Variants in TFAP2D observed in about 807,000 individuals in gnomAD.
TFAP2D encodes transcription factor AP-2 delta, also known as transcription factor AP-2-delta.
A neutral mutation model predicts 43.6 loss-of-function variants in TFAP2D; 9 were observed. That is an observed-to-expected ratio of 0.21 (90% CI 0.12 to 0.36). The LOEUF is 0.36. Ranked by LOEUF, TFAP2D falls within the 10% of genes least tolerant of loss-of-function variation. TFAP2D has a pLI of 1.00. For missense variants in TFAP2D, 513 were observed against 561.4 expected (o/e 0.91, Z 0.87); for synonymous variants, 256 against 224.9 (o/e 1.14, Z -1.24).
In TFAP2D at chr6:50,715,248, C is replaced by T. The variant is rs2114025867; in HGVS notation, c.172C>T (p.Pro58Ser). ...YSTTGTEFAS[P>S]YFSTNHQYTP... is the part of the protein sequence containing the mutation. ...CACCACCGGCACCGAGTTTGCGTCC[C>T]CCTACTTCTCCACTAACCACCAGTA... The change falls in exon 2 of 8, where the codon CCC (proline) becomes TCC (serine). Residue 58 changes from proline to serine, a missense_variant. Physicochemically the swap from Pro to Ser is moderately conservative, Grantham distance 74 (BLOSUM62 -1). This residue lies in a region of TFAP2D where 311 missense variants were observed against 316.2 expected (regional missense o/e 0.98). Coordinates refer to ENST00000008391, the MANE Select transcript of TFAP2D (RefSeq NM_172238.4). 1 of 1,614,018 alleles carries T rather than the reference C, an allele frequency of 6.2e-7. No homozygotes were observed. Among genetic ancestry groups the T allele is most frequent in the East Asian group, 2.2e-5 (1 of 44,840 alleles).
chr6:50,755,100 TG>T (rs1010346871), intron 7 of TFAP2D, among the ~76,000 whole-genome samples: 36 of 152,034 alleles, frequency 2.4e-4, no homozygotes, highest in African/African-American at 8.7e-4. Flanking sequence ...TGTCTTGTTT[TG>T]GTCTTTGATT....
intron 7 of TFAP2D, among the ~76,000 whole-genome samples, chr6:50,767,517 G>C (rs1255895751): frequency 6.6e-6 from 1 of 152,080 alleles, no homozygotes; most frequent in Admixed American, 6.6e-5. Flanking sequence ...CATTTGTTTG[G>C]GGATTGTTAC....
chr6:50,724,438 G>A (rs1218177790), intron 3 of TFAP2D, among the ~76,000 whole-genome samples: 1 of 152,196 alleles, frequency 6.6e-6, no homozygotes, highest in Non-Finnish European at 1.5e-5. Flanking sequence ...TGTCAACACC[G>A]ACGCTACGAC....
intron 7 of TFAP2D, among the ~76,000 whole-genome samples, chr6:50,754,301 A>T (rs940717367): frequency 6.6e-6 from 1 of 151,382 alleles, no homozygotes; most frequent in East Asian, 1.9e-4. Flanking sequence ...ATGTGTCAAA[A>T]TTTTCTTCCT....
At chr6:50,716,350 T>C (rs1768627834) in intron 2 of TFAP2D, among the ~76,000 whole-genome samples, 1 of 152,140 alleles carries the variant, frequency 6.6e-6, no homozygotes, top group Admixed American at 6.5e-5. Context: ...TTATTTTTGC[T>C]CTTCCAGCCA....
chr6:50,753,313 G>T (rs1399102182), intron 7 of TFAP2D, among the ~76,000 whole-genome samples: 1 of 151,894 alleles, frequency 6.6e-6, no homozygotes, highest in Non-Finnish European at 1.5e-5. Flanking sequence ...TCCTTTTTAT[G>T]CTCAAAACAA....
At chr6:50,714,177 G>A (rs1458011871) in intron 1 of TFAP2D, 83 bp downstream of exon 1, 1 of 1,404,760 alleles carries the variant, frequency 7.1e-7, no homozygotes, top group Non-Finnish European at 9.8e-7. Flanking sequence ...CGGCGGCGGT[G>A]GCAGCCTCCC....
At chr6:50,723,909 C>T (rs1480901619) in intron 3 of TFAP2D, among the ~76,000 whole-genome samples, 1 of 152,172 alleles carries the variant, frequency 6.6e-6, no homozygotes, top group African/African-American at 2.4e-5. Context: ...TTCACGCACA[C>T]CTCTCTTTTG....
At chr6:50,746,827 C>T (rs373147189) in intron 6 of TFAP2D, among the ~76,000 whole-genome samples, 27 of 152,236 alleles carry the variant, frequency 1.8e-4, no homozygotes, top group African/African-American at 5.1e-4. Context: ...GTGGCTGGCA[C>T]TGTTTGGACT....
chr6:50,767,150 G>A (rs567516403), intron 7 of TFAP2D, among the ~76,000 whole-genome samples: 5 of 152,240 alleles, frequency 3.3e-5, no homozygotes, highest in East Asian at 3.9e-4. Context: ...TTTCCTTTCT[G>A]ATTTGGATGC....
rs1768844310 is a variant in TFAP2D, at chr6:50,728,847, T to C, written c.599-9T>C. 1.2e-6 allele frequency: 2 copies of C among 1,613,200 alleles called. No individual in the cohort carries two copies. The highest frequency in any genetic ancestry group is 1.7e-6 in the Non-Finnish European group (2 of 1,179,618). On this transcript the variant is annotated splice_polypyrimidine_tract_variant and intron_variant, in intron 3 of 7. Transcript: ENST00000008391. ...TCACTAACATGTTATATACTTTTTT[T>C]CTCCCAAGGTGGCACCTGTGTGGTC... is the stretch of plus-strand genomic sequence containing the variant.
In TFAP2D at chr6:50,715,627, C is replaced by T; in HGVS notation, c.537+14C>T. On this transcript the variant is annotated intron_variant, in intron 2 of 7. Coordinates refer to ENST00000008391, the MANE Select transcript of TFAP2D (RefSeq NM_172238.4). ...GACGACTTGCAGGTAAATAAGCATG[C>T]AGCGAATTTGTCTGCTCCCTCCCCT... The T allele has an allele frequency of 6.3e-7, 1 of 1,579,850 alleles. No individual in the cohort carries two copies. Among genetic ancestry groups the T allele is most frequent in the Non-Finnish European group, 8.6e-7 (1 of 1,163,104 alleles).
At chr6:50,726,283 C>T (rs554425708) in intron 3 of TFAP2D, among the ~76,000 whole-genome samples, 2 of 152,280 alleles carry the variant, frequency 1.3e-5, no homozygotes, top group East Asian at 3.9e-4. Flanking sequence ...CTACATCTCC[C>T]TAAATTAGGT....
At chr6:50,740,100 G>A (rs986738552) in intron 5 of TFAP2D, among the ~76,000 whole-genome samples, 1 of 152,120 alleles carries the variant, frequency 6.6e-6, no homozygotes, top group African/African-American at 2.4e-5. Context: ...TCGCAAATTT[G>A]CTTTCTAATA....
chr6:50,750,125 C>A (rs991260982), intron 6 of TFAP2D, among the ~76,000 whole-genome samples: 4 of 151,912 alleles, frequency 2.6e-5, no homozygotes, highest in African/African-American at 9.7e-5. Flanking sequence ...ATTTGTACTT[C>A]AAGATATTTT....
chr6:50,745,171 A>T lies in TFAP2D; in HGVS notation c.948A>T (p.Ala316=), dbSNP rs538947072. The T allele has an allele frequency of 9.3e-6, 15 of 1,613,782 alleles. No individual in the cohort carries two copies. In the East Asian group the frequency reaches 2.2e-4, roughly 24 times the overall value. Reference sequence around the variant, plus strand: ...GTGAAACAGAGTTTCCAGCCAAAGCAGTAGGAGAACATCTTGCCAGACAAC... The same window carrying T: ...GTGAAACAGAGTTTCCAGCCAAAGCTGTAGGAGAACATCTTGCCAGACAAC... ...YTCETEFPAK[A]VGEHLARQHM... The change falls in exon 6 of 8, where the codon GCA becomes GCT. Residue 316 remains alanine (A), a synonymous_variant. Transcript: ENST00000008391.
rs1581762346 is a variant in TFAP2D at position 50,728,835 on chromosome 6, A to T, written c.599-21A>T. 2.5e-6 allele frequency: 4 copies of T among 1,612,744 alleles called. No homozygotes were observed. The East Asian group carries it at 8.9e-5, about 36-fold the overall frequency. On this transcript the variant is annotated intron_variant, in intron 3 of 7. Coordinates refer to ENST00000008391, the MANE Select transcript of TFAP2D (RefSeq NM_172238.4). ...CTTCTTTCACTGTCACTAACATGTT[A>T]TATACTTTTTTTCTCCCAAGGTGGC...
chr6:50,765,645 A>G (rs1208815417), intron 7 of TFAP2D, among the ~76,000 whole-genome samples: 1 of 151,456 alleles, frequency 6.6e-6, no homozygotes, highest in East Asian at 1.9e-4. Flanking sequence ...CTTACTATCC[A>G]TTTGTATGTC....
chr6:50,714,943 A>C (rs1165028436), intron 1 of TFAP2D, among the ~76,000 whole-genome samples, 173 bp from the exon 2 acceptor site: 1 of 152,084 alleles, frequency 6.6e-6, no homozygotes, highest in Non-Finnish European at 1.5e-5. Flanking sequence ...GCCTGTTTGC[A>C]AAGGCTCTCT....
Sources: allele counts gnomAD v4.1 joint callset (sites outside exome capture counted in the v4.1 genomes callset), GRCh38; gene constraint gnomAD v4.1.1; regional missense constraint gnomAD v4.1.1; transcripts MANE v1.5; gene names NCBI Gene and HGNC (gene_info 2026-07-23, HGNC 2026-07-21).